ANKRD10: variants seen among roughly 807,000 people sequenced by gnomAD.
ANKRD10 encodes the protein ankyrin repeat domain-containing protein 10.
Under a neutral mutation model 27.0 loss-of-function variants are expected in ANKRD10, and 14 were observed. That is an observed-to-expected ratio of 0.52 (90% CI 0.34 to 0.81). The LOEUF (loss-of-function observed/expected upper bound fraction) is 0.81. ANKRD10 is among the 40% of genes least tolerant of loss of function. The pLI, the probability that ANKRD10 is intolerant of heterozygous loss-of-function variation, is 0.01. For synonymous variants in ANKRD10, 250 were observed against 224.5 expected (o/e 1.11, Z -1.01); for missense variants, 493 against 544.0 (o/e 0.91, Z 0.93).
At chr13:110,889,231 C>G (rs1162901245) in intron 4 of ANKRD10, among the ~76,000 whole-genome samples, 2 of 152,036 alleles carry the variant, frequency 1.3e-5, no homozygotes, top group Admixed American at 1.3e-4. Context: ...GTCCTGAAGC[C>G]CATGCATCAT....
intron 4 of ANKRD10, among the ~76,000 whole-genome samples, chr13:110,892,480 TTAAATCCTCAAGATC>T (rs2065107364): frequency 7.6e-6 from 1 of 131,492 alleles, no homozygotes; most frequent in Non-Finnish European, 1.6e-5. Flanking sequence ...CCTTAGGGAC[TTAAATCCTCAAGATC>T]AAATTATACA....
intron 1 of ANKRD10, among the ~76,000 whole-genome samples, chr13:110,911,365 T>C (rs1027234760): frequency 6.6e-6 from 1 of 152,008 alleles, no homozygotes; most frequent in East Asian, 1.9e-4. Context: ...GGCAGGAGAA[T>C]TGCTTGAACC....
Position 110,906,059 on chromosome 13 carries a change from G to T in ANKRD10, c.429C>A (p.Ala143=). Reference sequence around the variant, plus strand: ...CGACGTGAGCCCCATTCGCCACAAGGGCACTGATGCATTCTAGGCTCCCAG... The same window carrying T: ...CGACGTGAGCCCCATTCGCCACAAGTGCACTGATGCATTCTAGGCTCCCAG... The part of the protein sequence containing the change: ...ARSGSLECIS[A]LVANGAHVDL... Residue 143 remains alanine, a synonymous_variant, in exon 3 of 6, where the codon GCC becomes GCA. Coordinates refer to ENST00000267339, the MANE Select transcript of ANKRD10 (RefSeq NM_017664.4). 3.1e-6 allele frequency: 5 copies of T among 1,602,932 alleles called. No homozygotes were observed. Among genetic ancestry groups the T allele is most frequent in the Non-Finnish European group, 4.3e-6 (5 of 1,173,906 alleles).
rs35945478 is a variant in ANKRD10 at position 110,897,294 on chromosome 13, C to CTTT, written c.456-4034_456-4032dup. 8.5e-3 allele frequency among the ~76,000 whole-genome samples: 1,080 copies of CTTT among 127,512 alleles called. 25 individuals carry two copies. The highest frequency in any genetic ancestry group is 0.03 in the African/African-American group (992 of 33,328). The allele number at this position is 127,512 out of a possible 152,430, so 83.7% of individuals were successfully genotyped here. On this transcript the variant is annotated intron_variant, in intron 3 of 5. Coordinates refer to ENST00000267339, the MANE Select transcript of ANKRD10 (RefSeq NM_017664.4). ...AGGCATGTGCTACCATGCCTGGCTA[C>CTTT]TTTTTTTTTTTTTTTTTTAATTTTG...
intron 4 of ANKRD10, 37 bp downstream of exon 4, chr13:110,892,991 A>T: frequency 1.2e-6 from 2 of 1,604,720 alleles, no homozygotes; most frequent in Non-Finnish European, 1.7e-6. Flanking sequence ...AGAAAGGAAA[A>T]ATAAGTGTGC....
At chr13:110,888,857 T>C (rs1437459640) in intron 4 of ANKRD10, among the ~76,000 whole-genome samples, 1 of 152,228 alleles carries the variant, frequency 6.6e-6, no homozygotes, top group Non-Finnish European at 1.5e-5. Context: ...ATCAGTAATA[T>C]GCCTATGTGA....
In ANKRD10 at chr13:110,879,399, T is replaced by C. The variant is rs1326714607; in HGVS notation, c.*238A>G. 7 of 499,814 alleles carry C rather than the reference T, an allele frequency of 1.4e-5. No homozygotes were observed. Among genetic ancestry groups the C allele is most frequent in the African/African-American group, 7.6e-5 (4 of 52,664 alleles). 31.0% of individuals were successfully genotyped at this position (499,814 alleles called of 1,614,324 possible). Reference sequence around the variant, plus strand: ...ATGTTGAGATTGGCATCAGAAAAACTCCAAAAGTGCACCTTATAAAAAGGA... The same window carrying C: ...ATGTTGAGATTGGCATCAGAAAAACCCCAAAAGTGCACCTTATAAAAAGGA... On this transcript the variant is annotated 3_prime_UTR_variant, in exon 6 of 6. Transcript: ENST00000267339.
rs571437478 is a variant in ANKRD10, at chr13:110,879,330, C to CA, written c.*306dup. ...TTATCTTGATCATATAATCTTTTAA[C>CA]AAAAAGAAAAATGGCAATATCTGGT... is the stretch of plus-strand genomic sequence containing the variant. On this transcript the variant is annotated 3_prime_UTR_variant, in exon 6 of 6. Coordinates refer to ENST00000267339, the MANE Select transcript of ANKRD10 (RefSeq NM_017664.4). 82 of 300,134 alleles carry CA rather than the reference C, an allele frequency of 2.7e-4. No homozygotes were observed. The highest frequency in any genetic ancestry group is 4.8e-4 in the Non-Finnish European group (76 of 159,404). The allele number at this position is 300,134 out of a possible 1,614,324, so 18.6% of individuals were successfully genotyped here. A position where few individuals can be genotyped will look rare whatever the true frequency, so the allele number is the denominator to read the frequency against.
In ANKRD10 at chr13:110,892,846, T is replaced by C. The variant is rs1231149764; in HGVS notation, c.691+182A>G. On this transcript the variant is annotated intron_variant, in intron 4 of 5. Transcript: ENST00000267339. ...TCAGTATTTCCCTCACATTCCCTTT[T>C]GTTAAGTCCCATCTTCGCAGTGGCA... is the stretch of plus-strand genomic sequence containing the variant. 6.5e-6 allele frequency: 9 copies of C among 1,377,210 alleles called. No homozygotes were observed. The East Asian group carries it at 2.1e-4, about 32-fold the overall frequency. The allele number at this position is 1,377,210 out of a possible 1,614,324, so 85.3% of individuals were successfully genotyped here.
chr13:110,910,709 T>C lies in ANKRD10; in HGVS notation c.272A>G (p.Tyr91Cys), dbSNP rs1420871259. ...TGCAATGTGGGCTGGCGTCTGCGCG[T>C]ACCGTGTGGTGGAGACGTTGAGTGT... ...GATLNVSTTR[Y>C]AQTPAHIAAF... The change falls in exon 2 of 6, where the codon TAC becomes TGC. Residue 91 changes from tyrosine (Y) to cysteine (C), a missense_variant. Physicochemically the swap from Tyr to Cys is radical, Grantham distance 194. Coordinates refer to ENST00000267339, the MANE Select transcript of ANKRD10 (RefSeq NM_017664.4). The C allele has an allele frequency of 1.9e-6, 3 of 1,614,064 alleles. No individual in the cohort carries two copies. The highest frequency in any genetic ancestry group is 1.3e-5 in the African/African-American group (1 of 74,922).
chr13:110,905,283 C>T (rs2065499148), intron 3 of ANKRD10: 1 of 151,984 alleles, frequency 6.6e-6, no homozygotes, highest in African/African-American at 2.4e-5. Flanking sequence ...AAAGTTAATA[C>T]AAATAAATGT....
chr13:110,898,286 G>A (rs2065282161), intron 3 of ANKRD10, among the ~76,000 whole-genome samples: 3 of 152,240 alleles, frequency 2.0e-5, no homozygotes, highest in South Asian at 4.1e-4. Flanking sequence ...TTTCAAGTAC[G>A]TTAGACTGAA....
Position 110,879,522 on chromosome 13 carries a change from T to G in ANKRD10, c.*115A>C, listed in dbSNP as rs1566441098. 3 of 800,878 alleles carry G rather than the reference T, an allele frequency of 3.7e-6. No homozygotes were observed. Among genetic ancestry groups the G allele is most frequent in the Non-Finnish European group, 5.9e-6 (3 of 508,068 alleles). The allele number at this position is 800,878 out of a possible 1,614,324, so 49.6% of individuals were successfully genotyped here. A position where few individuals can be genotyped will look rare whatever the true frequency, so the allele number is the denominator to read the frequency against. Reference sequence around the variant, plus strand: ...GTCGAAGTTTACTTTTTCAGAAAGTTGAAGTATATAAAAAACGTACAAGTT... The same window carrying G: ...GTCGAAGTTTACTTTTTCAGAAAGTGGAAGTATATAAAAAACGTACAAGTT... On this transcript the variant is annotated 3_prime_UTR_variant, in exon 6 of 6. Coordinates refer to ENST00000267339, the MANE Select transcript of ANKRD10 (RefSeq NM_017664.4).
intron 4 of ANKRD10, among the ~76,000 whole-genome samples, chr13:110,884,187 T>A (rs1318041611): frequency 1.3e-5 from 2 of 149,810 alleles, no homozygotes; most frequent in Non-Finnish European, 3.0e-5. Flanking sequence ...CAATCCTGAT[T>A]TTTTAAAAAA....
intron 2 of ANKRD10, among the ~76,000 whole-genome samples, chr13:110,908,976 G>C (rs1312128527): frequency 2.0e-5 from 3 of 152,244 alleles, no homozygotes; most frequent in African/African-American, 7.2e-5. Context: ...GGAAGAAGCA[G>C]AGTGCGGTAG....
At chr13:110,910,807 A>G (rs1295425962) in intron 1 of ANKRD10, 37 bp from the exon 2 acceptor site, 6 of 1,592,536 alleles carry the variant, frequency 3.8e-6, no homozygotes, top group Non-Finnish European at 5.1e-6. Context: ...ACACGCAGAC[A>G]TGTCAGTACA....
intron 1 of ANKRD10, 97 bp downstream of exon 1, chr13:110,914,628 T>C: frequency 7.0e-7 from 1 of 1,434,782 alleles, no homozygotes. Flanking sequence ...CGCCCCGCGA[T>C]CCCGGCACGC....
intron 5 of ANKRD10, chr13:110,883,119 C>T (rs895118445): frequency 2.6e-5 from 4 of 152,206 alleles, no homozygotes; most frequent in Non-Finnish European, 5.9e-5. Context: ...ACCATTTTAA[C>T]AGACTCAGAA....
chr13:110,881,344 A>G (rs2064813221), intron 5 of ANKRD10, among the ~76,000 whole-genome samples: 2 of 152,222 alleles, frequency 1.3e-5, no homozygotes, highest in Admixed American at 1.3e-4. Flanking sequence ...CTTCCCCTCC[A>G]TCTCACCTCC....
Sources: allele counts gnomAD v4.1 joint callset (sites outside exome capture counted in the v4.1 genomes callset), GRCh38; gene constraint gnomAD v4.1.1; transcripts MANE v1.5; gene names NCBI Gene and HGNC (gene_info 2026-07-23, HGNC 2026-07-21).